Variants in ABCC4 observed in about 807,000 individuals in gnomAD.
ABCC4 encodes the protein ATP-binding cassette sub-family C member 4.
ABCC4 carries 102 observed loss-of-function variants against 168.5 expected under a neutral mutation model. The observed-to-expected ratio is 0.61, with a 90% confidence interval of 0.52 to 0.71. The LOEUF (loss-of-function observed/expected upper bound fraction) is 0.71. Among genes scored for constraint, ABCC4 ranks in the 30% least tolerant of loss-of-function variants. ABCC4 has a pLI of 0.00. For missense variants in ABCC4, 1,402 were observed against 1,605.8 expected (o/e 0.87, Z 2.17); for synonymous variants, 617 against 590.7 (o/e 1.04, Z -0.65).
intron 20 of ABCC4, among the ~76,000 whole-genome samples, chr13:95,110,596 T>G (rs934837723): frequency 6.6e-6 from 1 of 152,204 alleles, no homozygotes; most frequent in Non-Finnish European, 1.5e-5. Flanking sequence ...GTAGGGTACC[T>G]ATTAATCCAA....
chr13:95,056,985 A>G (rs1453356998), intron 26 of ABCC4, among the ~76,000 whole-genome samples: 4 of 152,208 alleles, frequency 2.6e-5, no homozygotes. Context: ...GGATTGGAGG[A>G]GTAAATAATC....
chr13:95,047,898 T>C (rs1363517866), intron 27 of ABCC4, among the ~76,000 whole-genome samples: 1 of 152,176 alleles, frequency 6.6e-6, no homozygotes, highest in Non-Finnish European at 1.5e-5. Flanking sequence ...TTTTCTATCT[T>C]CCATACAAGA....
At chr13:95,118,998 C>T (rs752209400) in intron 19 of ABCC4, among the ~76,000 whole-genome samples, 1 of 152,184 alleles carries the variant, frequency 6.6e-6, no homozygotes, top group Non-Finnish European at 1.5e-5. Context: ...TCATAACACA[C>T]AGGGTCCCAT....
rs558638262 is a variant in ABCC4, at chr13:95,127,308, C to CA, written c.2456-11308dup. Among the ~76,000 whole-genome samples, 56 of 152,172 alleles carry CA rather than the reference C, an allele frequency of 3.7e-4. No homozygotes were observed. The East Asian group carries it at 9.1e-3, about 25-fold the overall frequency. On this transcript the variant is annotated intron_variant, in intron 19 of 30. Transcript: ENST00000645237. ...ATTTATTTTATTTTATTTTTTGAGA[C>CA]AGAGTCTCTCTCTGTTGCCCAGGCT... is the stretch of plus-strand genomic sequence containing the variant.
intron 30 of ABCC4, among the ~76,000 whole-genome samples, chr13:95,025,228 C>T (rs1209021374): frequency 4.2e-5 from 2 of 47,786 alleles, no homozygotes; most frequent in African/African-American, 1.8e-4. Context: ...CACCCCCACA[C>T]ACACCCATAC....
intron 25 of ABCC4, among the ~76,000 whole-genome samples, chr13:95,063,806 A>G (rs999774250): frequency 6.6e-6 from 1 of 152,222 alleles, no homozygotes; most frequent in Non-Finnish European, 1.5e-5. Context: ...ACATGTGTGC[A>G]TATAAATCTG....
chr13:95,049,911 T>C (rs1230243732), intron 27 of ABCC4, among the ~76,000 whole-genome samples: 2 of 152,188 alleles, frequency 1.3e-5, no homozygotes, highest in Admixed American at 6.5e-5. Context: ...CCCTCTGAGT[T>C]TGGGTTCCCA....
chr13:95,034,498 A>G (rs2032033306), intron 30 of ABCC4, 107 bp downstream of exon 30: 1 of 1,417,092 alleles, frequency 7.1e-7, no homozygotes, highest in Non-Finnish European at 9.3e-7. Flanking sequence ...CTGCAGGCTT[A>G]TAATTGAAAA....
chr13:95,101,120 A>G (rs1053209627), intron 20 of ABCC4, among the ~76,000 whole-genome samples: 7 of 150,324 alleles, frequency 4.7e-5, no homozygotes, highest in Admixed American at 4.7e-4. Context: ...CTGCCCTCCC[A>G]CCCCCCTAGG....
intron 16 of ABCC4, 26 bp from the exon 17 acceptor site, chr13:95,163,673 A>G: frequency 6.2e-7 from 1 of 1,603,714 alleles, no homozygotes; most frequent in Non-Finnish European, 8.5e-7. Flanking sequence ...CAACAAAGAC[A>G]AAAATCAAAC....
chr13:95,036,526 AAT>A (rs996583352), intron 29 of ABCC4, among the ~76,000 whole-genome samples: 1 of 152,170 alleles, frequency 6.6e-6, no homozygotes, highest in African/African-American at 2.4e-5. Flanking sequence ...GAAAAAAAAA[AAT>A]AATGTTCTCA....
Position 95,247,664 on chromosome 13 carries a change from T to G in ABCC4, c.164A>C (p.His55Pro). 6.2e-7 allele frequency: 1 copy of G among 1,613,962 alleles called. No individual in the cohort carries two copies. The highest frequency in any genetic ancestry group is 8.5e-7 in the Non-Finnish European group (1 of 1,179,896). The change falls in exon 2 of 31, where the codon CAC becomes CCC. Residue 55 changes from histidine to proline, a missense_variant. Coordinates refer to ENST00000645237, the MANE Select transcript of ABCC4 (RefSeq NM_005845.5). ...TTACCCTTGCAACTCCTCTCCAAGG[T>G]GCTGTGAGCGGTCTTCTGGCAGCAC... ...YSVLPEDRSQ[H>P]LGEELQGFWD...
rs563170131 is a variant in ABCC4, at chr13:95,168,218, C to T, written c.1825-1851G>A. On this transcript the variant is annotated intron_variant, in intron 14 of 30. Coordinates refer to ENST00000645237, the MANE Select transcript of ABCC4 (RefSeq NM_005845.5). ...ATTATTCTACCACCCACAGACTTTA[C>T]TCTAATGTACCAGCATTCAGGTTTT... is the stretch of plus-strand genomic sequence containing the variant. Among the ~76,000 whole-genome samples, 34 of 152,294 alleles carry T rather than the reference C, an allele frequency of 2.2e-4. 1 individual carries two copies. Among genetic ancestry groups the T allele is most frequent in the African/African-American group, 7.9e-4 (33 of 41,558 alleles).
chr13:95,091,174 T>C (rs535254850), intron 20 of ABCC4, among the ~76,000 whole-genome samples: 1 of 152,282 alleles, frequency 6.6e-6, no homozygotes, highest in Admixed American at 6.5e-5. Context: ...CTAAGAATAA[T>C]CAGTGTTCCT....
chr13:95,114,861 AG>A, intron 20 of ABCC4, among the ~76,000 whole-genome samples: 1 of 152,328 alleles, frequency 6.6e-6, no homozygotes, highest in East Asian at 1.9e-4. Flanking sequence ...AGAAAAAAGC[AG>A]GGGTAGGGGG....
At chr13:95,272,132 C>A (rs2040862921) in intron 1 of ABCC4, among the ~76,000 whole-genome samples, 1 of 152,026 alleles carries the variant, frequency 6.6e-6, no homozygotes, top group Non-Finnish European at 1.5e-5. Context: ...GCAACCTCCA[C>A]CTCCTAGGTT....
At chr13:95,182,834 A>G (rs1222502346) in intron 11 of ABCC4, among the ~76,000 whole-genome samples, 1 of 152,198 alleles carries the variant, frequency 6.6e-6, no homozygotes, top group Non-Finnish European at 1.5e-5. Context: ...AGTATCTAAC[A>G]TTAGTATGTT....
At chr13:95,239,284 G>GA (rs1233646945) in intron 3 of ABCC4, among the ~76,000 whole-genome samples, 29 of 152,026 alleles carry the variant, frequency 1.9e-4, no homozygotes, top group Admixed American at 1.7e-3. Context: ...AGGCTAGGGA[G>GA]AAAAAAGAAC....
At chr13:95,156,593 G>A (rs1286534161) in intron 19 of ABCC4, among the ~76,000 whole-genome samples, 1 of 152,172 alleles carries the variant, frequency 6.6e-6, no homozygotes, top group African/African-American at 2.4e-5. Context: ...CTAGGAAGAG[G>A]TAGATGCAGC....
Sources: gnomAD v4.1 joint callset for allele counts (sites outside exome capture counted in the v4.1 genomes callset) on GRCh38, gnomAD v4.1.1 for gene constraint, MANE v1.5 for transcripts, NCBI Gene and HGNC (gene_info 2026-07-23, HGNC 2026-07-21) for gene names.